The following PCDHA3 variants were observed in gnomAD, a reference collection of about 807,000 sequenced individuals.
The protein encoded by PCDHA3 is protocadherin alpha-3.
A neutral mutation model predicts 62.2 loss-of-function variants in PCDHA3; 41 were observed. That is an observed-to-expected ratio of 0.66 (90% CI 0.51 to 0.86). The LOEUF (loss-of-function observed/expected upper bound fraction) is 0.86, where lower values mean the gene tolerates loss of function less well. PCDHA3 is among the 40% of genes least tolerant of loss of function. The probability of loss-of-function intolerance (pLI) is 0.00; values close to 1 mark genes in which losing one functional copy is unlikely to be tolerated. For synonymous variants in PCDHA3, 640 were observed against 555.4 expected, an observed-to-expected ratio of 1.15 and a Z score of -2.14; for missense variants, 1,304 against 1,241.2, an observed-to-expected ratio of 1.05 and a Z score of -0.76.
At position 140,849,164 on chromosome 5, in the gene PCDHA3, T is replaced by G. The variant is rs2150431781; in HGVS notation, c.2394+45573T>G. 3.3e-5 allele frequency: 39 copies of G among 1,167,302 alleles called. 1 individual carries two copies. The highest frequency in any genetic ancestry group is 4.4e-5 in the Non-Finnish European group (37 of 840,698). The allele number at this position is 1,167,302 out of a possible 1,614,324, so 72.3% of individuals were successfully genotyped here. On this transcript the variant is annotated intron_variant, in intron 1 of 3. Coordinates refer to ENST00000522353, the MANE Select transcript of PCDHA3 (RefSeq NM_018906.3). The stretch of plus-strand genomic sequence containing the variant: ...CCGATGGAGGCAAACCCGAGCTGAC[T>G]GGCACCGTTCAATTACTCATCACGG...
At chr5:140,991,740 GCT>G (rs1175946938) in intron 3 of PCDHA3, among the ~76,000 whole-genome samples, 3 of 152,200 alleles carry the variant, frequency 2.0e-5, no homozygotes, top group African/African-American at 7.2e-5. Context: ...GGTAATGTAG[GCT>G]CTTTCTATCA....
chr5:140,874,295 C>G (rs1395734627), intron 1 of PCDHA3, among the ~76,000 whole-genome samples: 2 of 152,110 alleles, frequency 1.3e-5, no homozygotes, highest in Non-Finnish European at 2.9e-5. Context: ...TCTATGTGTA[C>G]TTGTTCACAA....
At position 140,801,137 on chromosome 5, in the gene PCDHA3, C is replaced by G. The variant is rs1357728737; in HGVS notation, c.-61C>G. ...GTTTAAGAAATGAAGATAAGGAACT[C>G]GAATTATTTTTAAACTTTGGATCAA... is the stretch of plus-strand genomic sequence containing the variant. On this transcript the variant is annotated 5_prime_UTR_variant, in exon 1 of 4. Coordinates refer to ENST00000522353, the MANE Select transcript of PCDHA3 (RefSeq NM_018906.3). 3 of 1,524,932 alleles carry G rather than the reference C, an allele frequency of 2.0e-6. No individual in the cohort carries two copies. The highest frequency in any genetic ancestry group is 2.3e-5 in the East Asian group (1 of 44,204). 94.5% of individuals were successfully genotyped at this position (1,524,932 alleles called of 1,614,324 possible). A position where few individuals can be genotyped will look rare whatever the true frequency, so the allele number is the denominator to read the frequency against.
At chr5:140,873,476 G>A (rs2054312814) in intron 1 of PCDHA3, among the ~76,000 whole-genome samples, 1 of 151,958 alleles carries the variant, frequency 6.6e-6, no homozygotes, top group African/African-American at 2.4e-5. Flanking sequence ...CAAATTACTT[G>A]GACTGATTTC....
At position 140,838,077 on chromosome 5, in the gene PCDHA3, A is replaced by AGTGTGT. The variant is rs57130401; in HGVS notation, c.2394+34535_2394+34540dup. Among the ~76,000 whole-genome samples the AGTGTGT allele has an allele frequency of 1.0e-3, 82 of 80,686 alleles. 1 individual carries two copies. Among genetic ancestry groups the AGTGTGT allele is most frequent in the East Asian group, 2.6e-3 (8 of 3,058 alleles). The allele number at this position is 80,686 out of a possible 152,430, so 52.9% of individuals were successfully genotyped here. A position where few individuals can be genotyped will look rare whatever the true frequency, so the allele number is the denominator to read the frequency against. On this transcript the variant is annotated intron_variant, in intron 1 of 3. Coordinates refer to ENST00000522353, the MANE Select transcript of PCDHA3 (RefSeq NM_018906.3). ...TTTCCACTTTAAGTTATATATATATAGTGTGTGTGTGTGTGTGTGTGTGTG... is the reference window on the plus strand; with the variant it reads ...TTTCCACTTTAAGTTATATATATATAGTGTGTGTGTGTGTGTGTGTGTGTGTGTGTG...
intron 1 of PCDHA3, chr5:140,849,713 G>T (rs2150446260): frequency 1.9e-6 from 3 of 1,598,578 alleles, no homozygotes; most frequent in Non-Finnish European, 2.6e-6. Context: ...ATTACTACTC[G>T]TTGGTGCTGG....
intron 1 of PCDHA3, chr5:140,808,898 G>T (rs1764297648): frequency 6.2e-7 from 1 of 1,613,362 alleles, no homozygotes; most frequent in Non-Finnish European, 8.5e-7. Context: ...GCCTCGGGCG[G>T]GTGGCACTGG....
At chr5:140,862,923 C>T in intron 1 of PCDHA3, 1 of 546,076 alleles carries the variant, frequency 1.8e-6, no homozygotes, top group South Asian at 1.4e-5. Flanking sequence ...CTTGGGTGGG[C>T]TGGCGGCGCT....
chr5:140,890,238 C>T (rs2062554718), intron 1 of PCDHA3, among the ~76,000 whole-genome samples: 1 of 152,034 alleles, frequency 6.6e-6, no homozygotes, highest in African/African-American at 2.4e-5. Flanking sequence ...TAAGCATTTA[C>T]CAGTACACTA....
chr5:140,879,838 A>G (rs73793511), intron 1 of PCDHA3, among the ~76,000 whole-genome samples: 3,913 of 152,230 alleles, frequency 0.026, 159 homozygotes, highest in African/African-American at 0.089. Flanking sequence ...TTGTGGCTGT[A>G]CCACTCCCAT....
At chr5:140,969,139 C>T (rs1407003944) in intron 1 of PCDHA3, 5 of 1,614,064 alleles carry the variant, frequency 3.1e-6, no homozygotes, top group Non-Finnish European at 4.2e-6. Context: ...CCAAGACCTA[C>T]TGCTACAAGG....
chr5:140,958,890 A>G (rs1379321415), intron 1 of PCDHA3, among the ~76,000 whole-genome samples: 1 of 152,044 alleles, frequency 6.6e-6, no homozygotes, highest in African/African-American at 2.4e-5. Context: ...CAGTAGCTAT[A>G]TAATAGATAC....
chr5:140,937,362 C>A lies in PCDHA3; in HGVS notation c.2395-41587C>A, dbSNP rs151333453. On this transcript the variant is annotated intron_variant, in intron 1 of 3. Coordinates refer to ENST00000522353, the MANE Select transcript of PCDHA3 (RefSeq NM_018906.3). ...TCTTCCATTTATTTTATTATTTTAT[C>A]TTAATGTTTATGTGTGTGTATGTGT... Among the ~76,000 whole-genome samples the A allele has an allele frequency of 4.1e-4, 62 of 152,138 alleles. No individual in the cohort carries two copies. In the East Asian group the frequency reaches 0.01, roughly 25 times the overall value.
At chr5:140,941,644 C>T (rs1157047813) in intron 1 of PCDHA3, among the ~76,000 whole-genome samples, 2 of 152,034 alleles carry the variant, frequency 1.3e-5, no homozygotes, top group African/African-American at 4.8e-5. Flanking sequence ...TGTCTTCCTA[C>T]AACTTATGTC....
intron 1 of PCDHA3, among the ~76,000 whole-genome samples, chr5:140,924,252 G>C (rs1306870811): frequency 1.3e-5 from 2 of 152,214 alleles, no homozygotes; most frequent in African/African-American, 4.8e-5. Flanking sequence ...ATCCTGGTGA[G>C]ATCTAATGAG....
intron 1 of PCDHA3, chr5:140,863,127 C>A: frequency 1.7e-6 from 1 of 597,490 alleles, no homozygotes; most frequent in Non-Finnish European, 3.3e-6. Context: ...CTACGCGCCA[C>A]CGCCTGCTGG....
chr5:141,006,872 G>T (rs1211849672), intron 3 of PCDHA3, among the ~76,000 whole-genome samples: 1 of 152,144 alleles, frequency 6.6e-6, no homozygotes, highest in Non-Finnish European at 1.5e-5. Flanking sequence ...ATAGATTCGA[G>T]GAATCAAGAG....
intron 1 of PCDHA3, chr5:140,829,899 A>G: frequency 5.0e-6 from 8 of 1,614,020 alleles, no homozygotes; most frequent in Non-Finnish European, 6.8e-6. Context: ...GACTCAGGCT[A>G]CAACGCGTGG....
intron 1 of PCDHA3, chr5:140,928,370 C>T (rs2085193734): frequency 6.2e-7 from 1 of 1,614,062 alleles, no homozygotes; most frequent in South Asian, 1.1e-5. Context: ...GAAGGGCCAT[C>T]AGCCTCTAGC....
Sources: allele counts gnomAD v4.1 joint callset (sites outside exome capture counted in the v4.1 genomes callset), GRCh38; gene constraint gnomAD v4.1.1; transcripts MANE v1.5; gene names NCBI Gene and HGNC (gene_info 2026-07-23, HGNC 2026-07-21).